Variants in CCPG1 observed in about 807,000 individuals in gnomAD.
The protein encoded by CCPG1 is cell cycle progression 1, also known as cell cycle progression protein 1.
A neutral mutation model predicts 81.3 loss-of-function variants in CCPG1; 46 were observed. That is an observed-to-expected ratio of 0.57 (90% CI 0.45 to 0.72). The LOEUF (loss-of-function observed/expected upper bound fraction) is 0.72. Ranked by LOEUF, CCPG1 falls within the 30% of genes least tolerant of loss-of-function variation. The pLI, the probability that CCPG1 is intolerant of heterozygous loss-of-function variation, is 0.00. For synonymous variants in CCPG1, 330 were observed against 305.2 expected (o/e 1.08, Z -0.85); for missense variants, 902 against 937.6 (o/e 0.96, Z 0.50).
chr15:55,397,051 A>AATTAGCCGGGCG (rs1019056184), intron 1 of CCPG1, among the ~76,000 whole-genome samples: 24 of 151,804 alleles, frequency 1.6e-4, no homozygotes, highest in Non-Finnish European at 7.4e-5. Flanking sequence ...AAACACAAAA[A>AATTAGCCGGGCG]ATTAGCCGGG....
intron 8 of CCPG1, 142 bp from the exon 9 acceptor site, chr15:55,356,551 T>G (rs2056080011): frequency 8.0e-7 from 1 of 1,243,898 alleles, no homozygotes. Flanking sequence ...TCCTAGTATA[T>G]CCATATAAAA....
chr15:55,377,649 G>A (rs1260222355), intron 4 of CCPG1, among the ~76,000 whole-genome samples: 1 of 152,224 alleles, frequency 6.6e-6, no homozygotes, highest in African/African-American at 2.4e-5. Flanking sequence ...CCTTTAGGAG[G>A]TGACTGAGTT....
intron 8 of CCPG1, chr15:55,359,018 C>CCT (rs750657427): frequency 3.1e-6 from 3 of 981,550 alleles, no homozygotes; most frequent in Non-Finnish European, 3.6e-6. Flanking sequence ...CCTCTTTGTG[C>CCT]CTCTACCTTT....
At chr15:55,389,335 T>C (rs2056868276) in intron 2 of CCPG1, 30 bp downstream of exon 2, 2 of 1,451,468 alleles carry the variant, frequency 1.4e-6, no homozygotes, top group Admixed American at 1.7e-5. Flanking sequence ...ATATTACAAA[T>C]TACCTTATAA....
chr15:55,404,382 C>T (rs894116325), intron 1 of CCPG1, among the ~76,000 whole-genome samples: 2 of 152,046 alleles, frequency 1.3e-5, no homozygotes, highest in Non-Finnish European at 2.9e-5. Flanking sequence ...TGTGGAAGAA[C>T]AATGTAGCCC....
intron 7 of CCPG1, among the ~76,000 whole-genome samples, chr15:55,364,740 G>A (rs1259120991): frequency 1.3e-5 from 2 of 150,492 alleles, no homozygotes; most frequent in Non-Finnish European, 3.0e-5. Flanking sequence ...GGGCATAGAG[G>A]TGCACACCTG....
intron 3 of CCPG1, among the ~76,000 whole-genome samples, chr15:55,378,981 GTTCA>G (rs146787279): frequency 0.038 from 5,761 of 151,940 alleles, 119 homozygotes; most frequent in African/African-American, 0.055. Flanking sequence ...GATCCAGTAT[GTTCA>G]TTAATACCTA....
chr15:55,371,952 T>A lies in CCPG1; in HGVS notation c.547A>T (p.Lys183Ter). 6.2e-7 allele frequency: 1 copy of A among 1,614,214 alleles called. No individual in the cohort carries two copies. Among genetic ancestry groups the A allele is most frequent in the South Asian group, 1.1e-5 (1 of 91,086 alleles). ...PAFRRRRARK[K>*]TVSASESEDR... ...TCAGATTCTGAAGCAGAAACGGTCTTCTTCCTAGCACGGCGTCGTCTAAAG... is the reference window on the plus strand; with the variant it reads ...TCAGATTCTGAAGCAGAAACGGTCTACTTCCTAGCACGGCGTCGTCTAAAG... The change falls in exon 6 of 9, where the codon AAG becomes TAG. Residue 183 changes from lysine to a stop codon, truncating the protein, a stop_gained. Coordinates refer to ENST00000442196, the MANE Select transcript of CCPG1 (RefSeq NM_001204450.2). LOFTEE classifies it high-confidence loss of function.
In CCPG1 at chr15:55,356,057, T is replaced by G. The variant is rs2056072133; in HGVS notation, c.*163A>C. The G allele has an allele frequency of 5.0e-6, 3 of 603,976 alleles. No homozygotes were observed. Among genetic ancestry groups the G allele is most frequent in the Non-Finnish European group, 8.2e-6 (3 of 367,566 alleles). 37.4% of individuals were successfully genotyped at this position (603,976 alleles called of 1,614,324 possible). ...TACAGGAAAATGCAGGTTAGTAGAC[T>G]TTTAACTAATGCTTCTGAGGAATAA... On this transcript the variant is annotated 3_prime_UTR_variant, in exon 9 of 9. Coordinates refer to ENST00000442196, the MANE Select transcript of CCPG1 (RefSeq NM_001204450.2).
chr15:55,357,070 C>T (rs2056093848), intron 8 of CCPG1: 2 of 985,226 alleles, frequency 2.0e-6, no homozygotes, highest in African/African-American at 3.5e-5. Context: ...TGGTGTTCTC[C>T]CAGGAGTCTG....
chr15:55,406,436 C>CTTTTTTTTTTTTT (rs143238270), intron 1 of CCPG1, among the ~76,000 whole-genome samples: 69 of 126,258 alleles, frequency 5.5e-4, no homozygotes, highest in East Asian at 9.4e-4. Flanking sequence ...TTCTTTTTCT[C>CTTTTTTTTTTTTT]TTTTTTTTTT....
chr15:55,407,042 C>A (rs1369614403), intron 1 of CCPG1, among the ~76,000 whole-genome samples: 2 of 134,820 alleles, frequency 1.5e-5, no homozygotes, highest in East Asian at 4.2e-4. Flanking sequence ...TTGAGACCCC[C>A]CCCCCCGCCC....
Position 55,360,535 on chromosome 15 carries a change from T to A in CCPG1, c.1238A>T (p.Asp413Val). Residue 413 changes from aspartate to valine, a missense_variant, in exon 8 of 9, where the codon GAT becomes GTT. Transcript: ENST00000442196. Reference sequence around the variant, plus strand: ...TTTTTCAGTATATACATTGGGAGAATCTGACTTGCCATGTAACTGACTACC... The same window carrying A: ...TTTTTCAGTATATACATTGGGAGAAACTGACTTGCCATGTAACTGACTACC... ...LSGSQLHGKSDSPNVYTEKKE... is the reference protein window; with the variant it reads ...LSGSQLHGKSVSPNVYTEKKE... 2 of 1,614,124 alleles carry A rather than the reference T, an allele frequency of 1.2e-6. No individual in the cohort carries two copies. The highest frequency in any genetic ancestry group is 1.7e-6 in the Non-Finnish European group (2 of 1,180,030).
At chr15:55,366,377 T>C (rs190343806) in intron 6 of CCPG1, among the ~76,000 whole-genome samples, 155 of 152,202 alleles carry the variant, frequency 1.0e-3, no homozygotes, top group Non-Finnish European at 5.0e-4. Context: ...CAGAAAATAA[T>C]TGGCTAATGG....
chr15:55,401,936 C>T (rs1234117761), intron 1 of CCPG1, among the ~76,000 whole-genome samples: 1 of 152,146 alleles, frequency 6.6e-6, no homozygotes, highest in Non-Finnish European at 1.5e-5. Context: ...GTCTTCTGAA[C>T]ACAAAATGGA....
At chr15:55,385,563 A>G (rs760362400) in intron 3 of CCPG1, 37 bp downstream of exon 3, 3 of 1,096,234 alleles carry the variant, frequency 2.7e-6, no homozygotes, top group Admixed American at 4.4e-5. Context: ...CTCATATATC[A>G]TATTAAAAAA....
chr15:55,356,393 GC>G lies in CCPG1; in HGVS notation c.2250del (p.Lys750AsnfsTer5). ...PPYGPSRPDKKQRMVNIENSR... is the reference protein window; with the variant it reads ...PPYGPSRPDKXQRMVNIENSR... ...GAGTTTTCAATATTTACCATACGTT[GC>G]TTTTTATCAGGTCGACTGAAAGCAG... On this transcript the variant is annotated frameshift_variant, in exon 9 of 9. Coordinates refer to ENST00000442196, the MANE Select transcript of CCPG1 (RefSeq NM_001204450.2). LOFTEE classifies it high-confidence loss of function. 1 of 1,529,898 alleles carries G rather than the reference GC, an allele frequency of 6.5e-7. No homozygotes were observed. 94.8% of individuals were successfully genotyped at this position (1,529,898 alleles called of 1,614,324 possible).
intron 3 of CCPG1, among the ~76,000 whole-genome samples, chr15:55,378,656 T>C (rs994471544): frequency 2.6e-5 from 4 of 151,516 alleles, no homozygotes; most frequent in Non-Finnish European, 5.9e-5. Flanking sequence ...CAGGCTGGAG[T>C]GCAGTGGCAC....
intron 3 of CCPG1, among the ~76,000 whole-genome samples, 188 bp from the exon 4 acceptor site, chr15:55,378,564 T>TGTCA (rs1460739995): frequency 1.3e-5 from 2 of 152,142 alleles, no homozygotes; most frequent in Non-Finnish European, 2.9e-5. Flanking sequence ...TATTTGAAAC[T>TGTCA]GTCAGGTGAT....
Sources: gnomAD v4.1 joint callset for allele counts (sites outside exome capture counted in the v4.1 genomes callset) on GRCh38, gnomAD v4.1.1 for gene constraint, MANE v1.5 for transcripts, NCBI Gene and HGNC (gene_info 2026-07-23, HGNC 2026-07-21) for gene names.